Variants in NGEF observed in about 807,000 individuals in gnomAD.
NGEF encodes the protein neuronal guanine nucleotide exchange factor, also known as ephexin-1.
Under a neutral mutation model 80.9 loss-of-function variants are expected in NGEF, and 31 were observed. The ratio of observed to expected loss-of-function variants is 0.38; its 90% confidence interval spans 0.29 to 0.52. The LOEUF is 0.52. Ranked by LOEUF, NGEF falls within the 20% of genes least tolerant of loss-of-function variation. The probability of loss-of-function intolerance (pLI) is 0.84; values close to 1 mark genes in which losing one functional copy is unlikely to be tolerated. For missense variants in NGEF, 709 were observed against 926.2 expected, an observed-to-expected ratio of 0.77 and a Z score of 3.04; for synonymous variants, 371 against 370.2, an observed-to-expected ratio of 1.00 and a Z score of -0.03.
chr2:232,941,880 C>T lies in NGEF; in HGVS notation c.384-14694G>A, dbSNP rs1693444273. On this transcript the variant is annotated intron_variant, in intron 3 of 14. Coordinates refer to ENST00000264051, the MANE Select transcript of NGEF (RefSeq NM_019850.3). ...ACTTTTACAGTAAATTACTTCTTGG[C>T]ATTGTGAAAATTAAAGCACTTACCT... 2.6e-5 allele frequency among the ~76,000 whole-genome samples: 4 copies of T among 152,310 alleles called. No individual in the cohort carries two copies. The South Asian group carries it at 8.3e-4, about 32-fold the overall frequency.
chr2:232,957,181 A>G (rs769041620), intron 3 of NGEF, among the ~76,000 whole-genome samples: 17 of 152,210 alleles, frequency 1.1e-4, no homozygotes, highest in Non-Finnish European at 2.4e-4. Flanking sequence ...AAGGCAAAAT[A>G]AATCTAAATG....
chr2:233,011,999 G>C lies in NGEF; in HGVS notation c.-75+1069C>G, dbSNP rs556785088. On this transcript the variant is annotated intron_variant, in intron 1 of 14. Transcript: ENST00000264051. ...AAAGCTTGACCCCCAAGGGGACCCT[G>C]GCTTCTACTTCCTCAGAGCTAAGCA... 3.3e-5 allele frequency among the ~76,000 whole-genome samples: 5 copies of C among 152,242 alleles called. No homozygotes were observed. The South Asian group carries it at 1.0e-3, about 32-fold the overall frequency.
At chr2:232,987,362 AC>A (rs1270651966) in intron 1 of NGEF, among the ~76,000 whole-genome samples, 12 of 152,296 alleles carry the variant, frequency 7.9e-5, no homozygotes, top group South Asian at 2.1e-4. Context: ...CTAAGGCCAA[AC>A]AAATTTCTGC....
At chr2:232,897,321 G>A (rs985942376) in intron 5 of NGEF, among the ~76,000 whole-genome samples, 2 of 151,998 alleles carry the variant, frequency 1.3e-5, no homozygotes, top group African/African-American at 4.8e-5. Flanking sequence ...GAGTGGTGGG[G>A]TTTTGCAGGC....
chr2:232,953,626 A>T (rs916205597), intron 3 of NGEF, among the ~76,000 whole-genome samples: 1 of 152,002 alleles, frequency 6.6e-6, no homozygotes, highest in Non-Finnish European at 1.5e-5. Context: ...CTAGGGGGAG[A>T]TCTGCCCAGA....
rs113037652 is a variant in NGEF, at chr2:232,883,419, A to C, written c.1649T>G (p.Val550Gly). ...FDSAPRGLLR[V>G]EELEDQGQTL... ...CTGGCCCTGGTCCTCCAGCTCCTCC[A>C]CACGCAGCAGTCCCCGCGGAGCTGA... is the stretch of plus-strand genomic sequence containing the variant. Residue 550 changes from valine to glycine, a missense_variant, in exon 12 of 15, where the codon GTG (valine) becomes GGG (glycine). Val to Gly is a moderately radical substitution (Grantham distance 109). Transcript: ENST00000264051. 1.2e-6 allele frequency: 2 copies of C among 1,610,466 alleles called. No individual in the cohort carries two copies. Among genetic ancestry groups the C allele is most frequent in the African/African-American group, 1.3e-5 (1 of 74,976 alleles).
At chr2:232,948,089 G>A (rs1209090936) in intron 3 of NGEF, among the ~76,000 whole-genome samples, 1 of 151,918 alleles carries the variant, frequency 6.6e-6, no homozygotes, top group Non-Finnish European at 1.5e-5. Context: ...AATACCAGCT[G>A]TGAAAGACAT....
intron 1 of NGEF, among the ~76,000 whole-genome samples, chr2:233,002,024 T>TA (rs1456865502): frequency 1.3e-5 from 2 of 151,164 alleles, no homozygotes; most frequent in East Asian, 1.9e-4. Flanking sequence ...AATAATAAAA[T>TA]AAAAAAAAGA....
intron 5 of NGEF, among the ~76,000 whole-genome samples, chr2:232,900,713 C>G (rs1692320334): frequency 2.1e-5 from 3 of 143,880 alleles, no homozygotes; most frequent in Admixed American, 2.1e-4. Flanking sequence ...CACATTCACA[C>G]ACACGCTCTC....
intron 1 of NGEF, among the ~76,000 whole-genome samples, chr2:232,980,762 G>T (rs191255705): frequency 2.0e-5 from 3 of 152,312 alleles, no homozygotes; most frequent in Non-Finnish European, 4.4e-5. Flanking sequence ...GCCTCCCAGA[G>T]TGTTGGGATT....
At chr2:232,977,712 C>T (rs1371072180) in intron 1 of NGEF, among the ~76,000 whole-genome samples, 4 of 152,126 alleles carry the variant, frequency 2.6e-5, no homozygotes. Context: ...GACCGAGGAG[C>T]TCACCCAGCA....
At position 232,912,986 on chromosome 2, in the gene NGEF, A is replaced by T. The variant is rs190725337; in HGVS notation, c.828+7298T>A. 2.1e-3 allele frequency among the ~76,000 whole-genome samples: 323 copies of T among 152,206 alleles called. 7 individuals carry two copies. In the East Asian group the frequency reaches 0.031, roughly 14 times the overall value. On this transcript the variant is annotated intron_variant, in intron 5 of 14. Coordinates refer to ENST00000264051, the MANE Select transcript of NGEF (RefSeq NM_019850.3). ...ACTGATTTTCTCTATATTTTAAAAA[A>T]TTTCCCATGTTGTTGATTCTTGCTC...
intron 6 of NGEF, among the ~76,000 whole-genome samples, chr2:232,893,799 G>A (rs1489455725): frequency 2.6e-5 from 4 of 152,122 alleles, no homozygotes; most frequent in Admixed American, 6.5e-5. Context: ...AAGAAGTGCC[G>A]CAGCAGAAGC....
chr2:232,937,245 G>A (rs1324322384), intron 3 of NGEF, among the ~76,000 whole-genome samples: 1 of 152,158 alleles, frequency 6.6e-6, no homozygotes, highest in Admixed American at 6.5e-5. Context: ...TGGGATTACA[G>A]GTGTGAGCCA....
At chr2:232,967,706 GGTGTGT>G (rs10686172) in intron 3 of NGEF, among the ~76,000 whole-genome samples, 30 of 148,382 alleles carry the variant, frequency 2.0e-4, no homozygotes, top group Non-Finnish European at 3.7e-4. Context: ...ATAAAATAGG[GGTGTGT>G]GTGTGTGTGT....
chr2:232,957,643 G>A (rs1467249469), intron 3 of NGEF, among the ~76,000 whole-genome samples: 1 of 152,166 alleles, frequency 6.6e-6, no homozygotes, highest in Non-Finnish European at 1.5e-5. Flanking sequence ...TAATATTAAT[G>A]TTAAATGTGA....
intron 3 of NGEF, among the ~76,000 whole-genome samples, chr2:232,928,427 G>A (rs1178539416): frequency 1.3e-5 from 2 of 151,686 alleles, no homozygotes; most frequent in African/African-American, 2.4e-5. Context: ...TCCTCACGGC[G>A]GGGGAAGCCT....
chr2:232,971,926 C>A (rs1694194105), intron 2 of NGEF, among the ~76,000 whole-genome samples: 1 of 152,194 alleles, frequency 6.6e-6, no homozygotes, highest in Non-Finnish European at 1.5e-5. Flanking sequence ...GACCCCCAAC[C>A]TTGGCAGCTG....
rs1691401472 is a variant in NGEF at position 232,879,229 on chromosome 2, G to C, written c.*260C>G. ...CCCCCTTCCACCCCCTCGGAGGCAT[G>C]AGGGAGGTGGTGTAATACTGCTGAA... On this transcript the variant is annotated 3_prime_UTR_variant, in exon 15 of 15. Coordinates refer to ENST00000264051, the MANE Select transcript of NGEF (RefSeq NM_019850.3). 2.5e-6 allele frequency: 1 copy of C among 401,222 alleles called. No individual in the cohort carries two copies. The highest frequency in any genetic ancestry group is 4.5e-6 in the Non-Finnish European group (1 of 221,826). 24.9% of individuals were successfully genotyped at this position (401,222 alleles called of 1,614,324 possible).
Sources: allele counts gnomAD v4.1 joint callset (sites outside exome capture counted in the v4.1 genomes callset), GRCh38; gene constraint gnomAD v4.1.1; transcripts MANE v1.5; gene names NCBI Gene and HGNC (gene_info 2026-07-23, HGNC 2026-07-21).